The following GATA4 variants were observed in gnomAD, a reference collection of about 807,000 sequenced individuals.
The protein encoded by GATA4 is GATA binding protein 4, also known as transcription factor GATA-4.
A neutral mutation model predicts 37.9 loss-of-function variants in GATA4; 7 were observed. That is an observed-to-expected ratio of 0.18 (90% CI 0.11 to 0.35). The LOEUF is 0.35. Among genes scored for constraint, GATA4 ranks in the 10% least tolerant of loss-of-function variants. The pLI, the probability that GATA4 is intolerant of heterozygous loss-of-function variation, is 1.00. For missense variants in GATA4, 647 were observed against 653.0 expected (o/e 0.99, Z 0.10); for synonymous variants, 372 against 292.6 (o/e 1.27, Z -2.77).
upstream of GATA4, among the ~76,000 whole-genome samples, chr8:11,688,583 G>T (rs923077168): frequency 6.6e-6 from 1 of 152,136 alleles, no homozygotes; most frequent in Non-Finnish European, 1.5e-5. Context: ...CTTTGTGTGG[G>T]GACGTTATGT....
intron 1 of GATA4, among the ~76,000 whole-genome samples, chr8:11,705,383 G>A (rs1002106624): frequency 1.3e-5 from 2 of 152,244 alleles, no homozygotes; most frequent in African/African-American, 4.8e-5. Flanking sequence ...GCTGCAGGCC[G>A]AGAGCGGAGG....
chr8:11,748,906 C>G lies in GATA4; in HGVS notation c.617-10C>G. 6.2e-7 allele frequency: 1 copy of G among 1,614,174 alleles called. No individual in the cohort carries two copies. The highest frequency in any genetic ancestry group is 8.5e-7 in the Non-Finnish European group (1 of 1,179,992). On this transcript the variant is annotated splice_polypyrimidine_tract_variant and intron_variant, in intron 2 of 6. Coordinates refer to ENST00000532059, the MANE Select transcript of GATA4 (RefSeq NM_001308093.3). ...TCTGTGTCTTTTCTTGTCTGTTCCC[C>G]CCAACTCAGTAGATATGTTTGACGA...
At chr8:11,726,783 C>A (rs986535606) in intron 2 of GATA4, among the ~76,000 whole-genome samples, 1 of 152,172 alleles carries the variant, frequency 6.6e-6, no homozygotes. Flanking sequence ...TCACTTGATC[C>A]CTTGATGCTC....
intron 1 of GATA4, among the ~76,000 whole-genome samples, chr8:11,678,553 C>T (rs1162517530): frequency 6.6e-6 from 1 of 152,158 alleles, no homozygotes; most frequent in African/African-American, 2.4e-5. Context: ...GTGGGAAAAG[C>T]AGGGACGGGC....
Position 11,709,508 on chromosome 8 carries a change from C to G in GATA4, c.616+580C>G, listed in dbSNP as rs997414469. Among the ~76,000 whole-genome samples, 1 of 142,458 alleles carries G rather than the reference C, an allele frequency of 7.0e-6. No homozygotes were observed. The highest frequency in any genetic ancestry group is 7.1e-5 in the Admixed American group (1 of 14,140). The allele number at this position is 142,458 out of a possible 152,430, so 93.5% of individuals were successfully genotyped here. On this transcript the variant is annotated intron_variant, in intron 2 of 6. Transcript: ENST00000532059. This position sits in a 1 kb window ranked among gnomAD's most constrained non-coding sequence, Gnocchi z 4.3. ...GGACAAAGGAGACGCCGGGGAGATG[C>G]GCGGAACAGGAGCCGGCACTGTGCG...
At position 11,740,071 on chromosome 8, in the gene GATA4, A is replaced by C. The variant is rs1317828424; in HGVS notation, c.617-8845A>C. On this transcript the variant is annotated intron_variant, in intron 2 of 6. Transcript: ENST00000532059. ...AGGCCAGGAAGGAGCAAATATTTTC[A>C]AGTGCTGATCCCCAGCCAGGGCTCC... Among the ~76,000 whole-genome samples the C allele has an allele frequency of 2.5e-4, 38 of 152,076 alleles. 1 individual carries two copies. The highest frequency in any genetic ancestry group is 2.5e-3 in the Admixed American group (38 of 15,274).
At chr8:11,715,979 G>C (rs1164480744) in intron 2 of GATA4, among the ~76,000 whole-genome samples, 2 of 152,034 alleles carry the variant, frequency 1.3e-5, no homozygotes, top group Non-Finnish European at 2.9e-5. Context: ...TTGTCGTTTT[G>C]TTTCTGGCTA....
Position 11,750,481 on chromosome 8 carries a change from G to A in GATA4, c.912+245G>A, listed in dbSNP as rs7006733. 0.74 allele frequency among the ~76,000 whole-genome samples: 113,120 copies of A among 152,228 alleles called. 43,086 individuals carry two copies. Among genetic ancestry groups the A allele is most frequent in the East Asian group, 0.98 (5,099 of 5,194 alleles). ...CAGTTTGATGTGTAACAAAGGTGAC[G>A]TTTCGATTCAGTGGATAAGAAGCTT... On this transcript the variant is annotated intron_variant, in intron 4 of 6. Coordinates refer to ENST00000532059, the MANE Select transcript of GATA4 (RefSeq NM_001308093.3).
In GATA4 at chr8:11,750,826, A is replaced by G. The variant is rs535206672; in HGVS notation, c.912+590A>G. Among the ~76,000 whole-genome samples, 26 of 149,502 alleles carry G rather than the reference A, an allele frequency of 1.7e-4. No homozygotes were observed. The South Asian group carries it at 5.5e-3, about 32-fold the overall frequency. On this transcript the variant is annotated intron_variant, in intron 4 of 6. Coordinates refer to ENST00000532059, the MANE Select transcript of GATA4 (RefSeq NM_001308093.3). ...GCTGGGCATGGTGGTGCATGCCTCT[A>G]GTCCCAGCTACTCAGGAGTCTGAGG... is the stretch of plus-strand genomic sequence containing the variant.
rs544097659 is a variant in GATA4 at position 11,708,855 on chromosome 8, C to T, written c.543C>T (p.Ala181=). The T allele has an allele frequency of 4.0e-4, 599 of 1,503,872 alleles. 5 individuals are homozygous for T. The African/African-American group carries it at 7.7e-3, about 19-fold the overall frequency. 93.2% of individuals were successfully genotyped at this position (1,503,872 alleles called of 1,614,324 possible). A position where few individuals can be genotyped will look rare whatever the true frequency, so the allele number is the denominator to read the frequency against. ...GGGCCGCAGCCGCCGCCGCCTCCGC[C>T]GGCCCCTTCGACAGCCCGGTCCTGC... ...ASWAAAAAAS[A]GPFDSPVLHS... is the part of the protein sequence containing the mutation. Residue 181 remains alanine, a synonymous_variant, in exon 2 of 7, where the codon GCC becomes GCT. Coordinates refer to ENST00000532059, the MANE Select transcript of GATA4 (RefSeq NM_001308093.3). This position sits in a 1 kb window ranked among gnomAD's most constrained non-coding sequence, Gnocchi z 6.7.
intron 1 of GATA4, among the ~76,000 whole-genome samples, chr8:11,706,470 A>G (rs1253745198): frequency 1.3e-5 from 2 of 152,216 alleles, no homozygotes; most frequent in Non-Finnish European, 2.9e-5. Context: ...TACAAATATT[A>G]ATTTATAATC....
Position 11,692,714 on chromosome 8 carries a change from G to A in GATA4, c.-729+54G>A, listed in dbSNP as rs549728491. 14 of 985,006 alleles carry A rather than the reference G, an allele frequency of 1.4e-5. No individual in the cohort carries two copies. The South Asian group carries it at 6.1e-4, about 43-fold the overall frequency. 61.0% of individuals were successfully genotyped at this position (985,006 alleles called of 1,614,324 possible). Reference sequence around the variant, plus strand: ...TGCGGGGCTGCTCCGTCGGGAGGCTGGGAGGGAGAGCAGGCGCCGGGACCC... The same window carrying A: ...TGCGGGGCTGCTCCGTCGGGAGGCTAGGAGGGAGAGCAGGCGCCGGGACCC... On this transcript the variant is annotated intron_variant, in intron 1 of 2. Transcript: ENST00000526974.
intron 2 of GATA4, among the ~76,000 whole-genome samples, chr8:11,733,647 G>A (rs929212393): frequency 2.6e-5 from 4 of 152,184 alleles, no homozygotes; most frequent in African/African-American, 9.7e-5. Context: ...AATCCTCTTC[G>A]AAGAGAGAAG....
chr8:11,756,390 AACCT>A, intron 5 of GATA4: 2 of 178,022 alleles, frequency 1.1e-5, no homozygotes, highest in East Asian at 1.4e-4. Flanking sequence ...TCCCCTGGGT[AACCT>A]TATTTCCTCT....
intron 1 of GATA4, among the ~76,000 whole-genome samples, chr8:11,706,411 T>G (rs1003167041): frequency 6.6e-6 from 1 of 152,236 alleles, no homozygotes; most frequent in African/African-American, 2.4e-5. Flanking sequence ...ATTTAGAACT[T>G]TCTTTTTGCC....
chr8:11,721,846 A>G (rs1422850049), intron 2 of GATA4, among the ~76,000 whole-genome samples: 1 of 152,204 alleles, frequency 6.6e-6, no homozygotes, highest in Non-Finnish European at 1.5e-5. Flanking sequence ...CTATGATGCA[A>G]GGATGGATTG....
intron 6 of GATA4, 134 bp downstream of exon 6, chr8:11,757,217 G>C (rs543773083): frequency 8.2e-6 from 11 of 1,344,678 alleles, no homozygotes; most frequent in Non-Finnish European, 1.1e-5. Context: ...CTCTGCGCTA[G>C]GAAGACCCAG....
At chr8:11,746,265 T>C (rs928796527) in intron 2 of GATA4, among the ~76,000 whole-genome samples, 1 of 151,094 alleles carries the variant, frequency 6.6e-6, no homozygotes, top group Non-Finnish European at 1.5e-5. Flanking sequence ...AAAAGTAAAA[T>C]AGACTGAGGC....
rs1447153510 is a variant in GATA4, at chr8:11,749,965, C to T, written c.787-146C>T. ...CGCAGGTGACAGGAGAGTTAGGTGC[C>T]GTCACAGGTCAGAGATCTCATGCAG... On this transcript the variant is annotated intron_variant, in intron 3 of 6. Transcript: ENST00000532059. The surrounding 1 kb of genome is among the most constrained non-coding windows in gnomAD (Gnocchi z 4.6). 4.2e-5 allele frequency: 44 copies of T among 1,036,066 alleles called. 1 individual carries two copies. Among genetic ancestry groups the T allele is most frequent in the Admixed American group, 1.6e-4 (8 of 51,148 alleles). 64.2% of individuals were successfully genotyped at this position (1,036,066 alleles called of 1,614,324 possible). A position where few individuals can be genotyped will look rare whatever the true frequency, so the allele number is the denominator to read the frequency against.
Sources: gnomAD v4.1 joint callset for allele counts (sites outside exome capture counted in the v4.1 genomes callset) on GRCh38, gnomAD v4.1.1 for gene constraint, Gnocchi (gnomAD v3.1) non-coding constraint, MANE v1.5 for transcripts, NCBI Gene and HGNC (gene_info 2026-07-23, HGNC 2026-07-21) for gene names.